Variants in LMLN observed in about 807,000 individuals in gnomAD.
The protein encoded by LMLN is leishmanolysin like peptidase.
A neutral mutation model predicts 92.3 loss-of-function variants in LMLN; 70 were observed. That is an observed-to-expected ratio of 0.76 (90% CI 0.63 to 0.92). The LOEUF (loss-of-function observed/expected upper bound fraction) is 0.92. LMLN is among the 40% of genes least tolerant of loss of function. LMLN has a pLI of 0.00. For missense variants in LMLN, 691 were observed against 814.6 expected, an observed-to-expected ratio of 0.85 and a Z score of 1.85; for synonymous variants, 308 against 296.2, an observed-to-expected ratio of 1.04 and a Z score of -0.41.
rs376212688 is a variant in LMLN at position 198,033,697 on chromosome 3, C to T, written c.1657-2136C>T. On this transcript the variant is annotated intron_variant, in intron 14 of 15. Transcript: ENST00000330198. Reference sequence around the variant, plus strand: ...GATTACAGGCATGAGCCGCTGTGCCCGGCTGAAAAAAATTTTTATATCCTA... The same window carrying T: ...GATTACAGGCATGAGCCGCTGTGCCTGGCTGAAAAAAATTTTTATATCCTA... 5.9e-5 allele frequency among the ~76,000 whole-genome samples: 9 copies of T among 152,226 alleles called. No homozygotes were observed. In the East Asian group the frequency reaches 9.6e-4, roughly 16 times the overall value.
At chr3:198,036,918 A>C (rs1024728014) in intron 15 of LMLN, among the ~76,000 whole-genome samples, 1 of 152,160 alleles carries the variant, frequency 6.6e-6, no homozygotes, top group Non-Finnish European at 1.5e-5. Flanking sequence ...CCCTTTGCCT[A>C]GTCCATGGTG....
chr3:198,020,803 T>TTTTTTTTTTCGG, intron 12 of LMLN, among the ~76,000 whole-genome samples: 1 of 120,920 alleles, frequency 8.3e-6, no homozygotes, highest in Non-Finnish European at 1.7e-5. Context: ...TTTTTTTTAG[T>TTTTTTTTTTCGG]AGAGACGGGG....
intron 11 of LMLN, among the ~76,000 whole-genome samples, chr3:198,009,081 G>A (rs1375181603): frequency 1.3e-5 from 2 of 151,918 alleles, no homozygotes; most frequent in African/African-American, 2.4e-5. Flanking sequence ...AATGCACCAT[G>A]TAAGCTTGAA....
chr3:198,013,833 A>G (rs1722528577), intron 11 of LMLN, among the ~76,000 whole-genome samples: 1 of 139,514 alleles, frequency 7.2e-6, no homozygotes, highest in South Asian at 2.2e-4. Flanking sequence ...ACTTCTCTGT[A>G]CCCTTCAGAG....
At chr3:197,988,401 T>C (rs1228546221) in intron 8 of LMLN, among the ~76,000 whole-genome samples, 1 of 151,924 alleles carries the variant, frequency 6.6e-6, no homozygotes, top group Non-Finnish European at 1.5e-5. Flanking sequence ...TTGAAATTTT[T>C]TTTGATTTAT....
chr3:197,988,731 G>A (rs1721783315), intron 8 of LMLN, among the ~76,000 whole-genome samples: 1 of 151,906 alleles, frequency 6.6e-6, no homozygotes, highest in Non-Finnish European at 1.5e-5. Context: ...ACCCAGGCTG[G>A]AGTGCTGTGG....
chr3:197,968,498 C>A (rs2109845916), intron 1 of LMLN, among the ~76,000 whole-genome samples: 1 of 151,714 alleles, frequency 6.6e-6, no homozygotes, highest in African/African-American at 2.4e-5. Flanking sequence ...TATTTGGGAA[C>A]TGATAAATGT....
At chr3:197,995,718 G>A (rs1721999202) in intron 9 of LMLN, among the ~76,000 whole-genome samples, 1 of 151,736 alleles carries the variant, frequency 6.6e-6, no homozygotes, top group Non-Finnish European at 1.5e-5. Context: ...TTAAATTACT[G>A]AGAGTAAATT....
At chr3:197,999,521 TC>T in intron 11 of LMLN, 179 bp downstream of exon 11, 1 of 594,730 alleles carries the variant, frequency 1.7e-6, no homozygotes, top group Admixed American at 3.0e-5. Flanking sequence ...ATTCGTTCAT[TC>T]AATAAATACT....
chr3:197,999,560 C>G, intron 11 of LMLN: 1 of 539,156 alleles, frequency 1.9e-6, no homozygotes, highest in South Asian at 2.2e-5. Context: ...AATAGGGTCT[C>G]ACTCCTTCTG....
chr3:197,997,554 C>G (rs1263669903), intron 10 of LMLN, among the ~76,000 whole-genome samples: 1 of 152,208 alleles, frequency 6.6e-6, no homozygotes, highest in East Asian at 1.9e-4. Context: ...GAGAACCATA[C>G]AGTAAACACT....
chr3:197,971,621 G>C (rs1721226107), intron 1 of LMLN, among the ~76,000 whole-genome samples: 1 of 152,122 alleles, frequency 6.6e-6, no homozygotes, highest in South Asian at 2.1e-4. Context: ...GTCTCACTCT[G>C]TTGCCCAGGC....
At chr3:197,994,539 A>G (rs1210558755) in intron 9 of LMLN, 1 of 152,188 alleles carries the variant, frequency 6.6e-6, no homozygotes, top group African/African-American at 2.4e-5. Context: ...GGAAATGAAA[A>G]TTAAAAGCAC....
chr3:198,008,019 A>C (rs1447555138), intron 11 of LMLN, among the ~76,000 whole-genome samples: 1 of 152,162 alleles, frequency 6.6e-6, no homozygotes, highest in Non-Finnish European at 1.5e-5. Flanking sequence ...GCCTGTTAAT[A>C]TGGTGGACTT....
intron 1 of LMLN, among the ~76,000 whole-genome samples, chr3:197,968,013 T>G (rs1560132418): frequency 6.6e-6 from 1 of 152,236 alleles, no homozygotes; most frequent in African/African-American, 2.4e-5. Context: ...GTTATTCTGT[T>G]CTTTTTCAAG....
chr3:198,013,071 C>T (rs1440200867), intron 11 of LMLN, among the ~76,000 whole-genome samples: 1 of 139,752 alleles, frequency 7.2e-6, no homozygotes, highest in African/African-American at 2.9e-5. Flanking sequence ...TCAGAGCCCC[C>T]TAACTAGTCT....
At chr3:198,037,288 A>G (rs1218303133) in intron 15 of LMLN, among the ~76,000 whole-genome samples, 2 of 152,230 alleles carry the variant, frequency 1.3e-5, no homozygotes, top group Non-Finnish European at 2.9e-5. Flanking sequence ...AGAACTTTCT[A>G]AAGATAGCAG....
chr3:198,015,272 T>C (rs1156497505), intron 11 of LMLN, among the ~76,000 whole-genome samples: 2 of 106,824 alleles, frequency 1.9e-5, no homozygotes, highest in Non-Finnish European at 2.0e-5. Flanking sequence ...GTCTGACTTC[T>C]CTCCACCCTT....
rs1252261485 is a variant in LMLN, at chr3:197,981,473, C to T, written c.728+969C>T. 2.6e-5 allele frequency among the ~76,000 whole-genome samples: 4 copies of T among 152,212 alleles called. No homozygotes were observed. In the East Asian group the frequency reaches 7.7e-4, roughly 29 times the overall value. ...AATTTGAACTTTAATTTTAGGACTTCTGTGCTAAAACTGTGAAGAAAGGTG... is the reference window on the plus strand; with the variant it reads ...AATTTGAACTTTAATTTTAGGACTTTTGTGCTAAAACTGTGAAGAAAGGTG... On this transcript the variant is annotated intron_variant, in intron 6 of 15. Transcript: ENST00000330198.
Sources: allele counts gnomAD v4.1 joint callset (sites outside exome capture counted in the v4.1 genomes callset), GRCh38; gene constraint gnomAD v4.1.1; transcripts MANE v1.5; gene names NCBI Gene and HGNC (gene_info 2026-07-23, HGNC 2026-07-21).